The following ADGRE2 variants were observed in gnomAD, a reference collection of about 807,000 sequenced individuals.
ADGRE2 encodes adhesion G protein-coupled receptor E2.
A neutral mutation model predicts 100.8 loss-of-function variants in ADGRE2; 83 were observed. The ratio of observed to expected loss-of-function variants is 0.82; its 90% CI spans 0.69 to 0.99. The LOEUF is 0.99. Ranked by LOEUF, ADGRE2 falls within the 50% of genes least tolerant of loss-of-function variation. ADGRE2 has a pLI of 0.00. For missense variants in ADGRE2, 814 were observed against 1,035.7 expected, an observed-to-expected ratio of 0.79 and a Z score of 2.94; for synonymous variants, 355 against 413.0, an observed-to-expected ratio of 0.86 and a Z score of 1.70.
chr19:14,778,126 TC>T, intron 1 of ADGRE2, 130 bp downstream of exon 1: 1 of 152,254 alleles, frequency 6.6e-6, no homozygotes, highest in South Asian at 2.1e-4. Context: ...GTAAAAGCGT[TC>T]CTATTTCTCC....
In ADGRE2 at chr19:14,735,067, G is replaced by T. The variant is rs1177023687; in HGVS notation, c.*1169C>A. 1 of 152,136 alleles carries T rather than the reference G, an allele frequency of 6.6e-6. No individual in the cohort carries two copies. Among genetic ancestry groups the T allele is most frequent in the African/African-American group, 2.4e-5 (1 of 41,432 alleles). 9.4% of individuals were successfully genotyped at this position (152,136 alleles called of 1,614,324 possible). On this transcript the variant is annotated 3_prime_UTR_variant, in exon 21 of 21. Transcript: ENST00000315576. ...TTGGCACAGCTGCCGGCATTCACCCGTGGAAGCTTCCAGCTTGCTTGTCTA... is the reference window on the plus strand; with the variant it reads ...TTGGCACAGCTGCCGGCATTCACCCTTGGAAGCTTCCAGCTTGCTTGTCTA...
chr19:14,753,063 C>T (rs1398900708), intron 14 of ADGRE2, among the ~76,000 whole-genome samples: 4 of 141,104 alleles, frequency 2.8e-5, no homozygotes, highest in Non-Finnish European at 6.4e-5. Flanking sequence ...AGCCACCACA[C>T]CCGTCCTAAT....
At chr19:14,758,571 T>C (rs915256045) in intron 11 of ADGRE2, among the ~76,000 whole-genome samples, 2 of 151,978 alleles carry the variant, frequency 1.3e-5, no homozygotes, top group African/African-American at 4.8e-5. Context: ...AGAGTGGAGA[T>C]TTAATAGGCG....
At chr19:14,763,407 A>G (rs2043803141) in intron 11 of ADGRE2, among the ~76,000 whole-genome samples, 1 of 152,020 alleles carries the variant, frequency 6.6e-6, no homozygotes, top group Non-Finnish European at 1.5e-5. Context: ...ATACTTAGAG[A>G]TCAAATGATA....
At chr19:14,751,805 A>G in intron 15 of ADGRE2, 134 bp from the exon 16 acceptor site, 1 of 662,930 alleles carries the variant, frequency 1.5e-6, no homozygotes, top group Non-Finnish European at 2.6e-6. Context: ...TGTGTAGTTG[A>G]GTCAGGCAAT....
chr19:14,751,228 G>A (rs7247896), intron 16 of ADGRE2, among the ~76,000 whole-genome samples: 58,287 of 151,898 alleles, frequency 0.38, 12,764 homozygotes, highest in African/African-American at 0.59. Context: ...GAAAATTTCC[G>A]AAAACCCTCT....
chr19:14,734,688 A>C lies in ADGRE2; in HGVS notation c.*1548T>G, dbSNP rs1487344217. The C allele has an allele frequency of 6.6e-6, 1 of 152,140 alleles. No individual in the cohort carries two copies. 9.4% of individuals were successfully genotyped at this position (152,140 alleles called of 1,614,324 possible). A position where few individuals can be genotyped will look rare whatever the true frequency, so the allele number is the denominator to read the frequency against. On this transcript the variant is annotated 3_prime_UTR_variant, in exon 21 of 21. Transcript: ENST00000315576. Reference sequence around the variant, plus strand: ...GTGATCTGACCACCTCAGCCTCCCAAAGTGCTGGGATTATAGGCGTGAGCC... The same window carrying C: ...GTGATCTGACCACCTCAGCCTCCCACAGTGCTGGGATTATAGGCGTGAGCC...
chr19:14,727,309 TGA>T, the ADGRE2 span, among the ~76,000 whole-genome samples: 1 of 152,196 alleles, frequency 6.6e-6, no homozygotes, highest in Non-Finnish European at 1.5e-5. Context: ...ATTACAGGTG[TGA>T]GCCACCAAGC....
rs762631238 is a variant in ADGRE2 at position 14,743,500 on chromosome 19, C to G, written c.2383G>C (p.Gly795Arg). Residue 795 changes from glycine (G) to arginine (R), a missense_variant, in exon 20 of 21, where the codon GGG (glycine) becomes CGG (arginine). Transcript: ENST00000315576. ...VREQYGKWSK[G>R]IRKLKTESEM... ...GACTCAGTTTTCAATTTCCTGATCC[C>G]TTTGGACCATTTCCCATATTGCTCC... The G allele has an allele frequency of 5.0e-6, 8 of 1,614,068 alleles. No individual in the cohort carries two copies. The highest frequency in any genetic ancestry group is 3.3e-5 in the Admixed American group (2 of 60,014).
At chr19:14,772,170 C>T in intron 5 of ADGRE2, 172 bp downstream of exon 5, 1 of 922,966 alleles carries the variant, frequency 1.1e-6, no homozygotes, top group Non-Finnish European at 1.6e-6. Context: ...TTGGCCTTCA[C>T]ACCACGCTGC....
intron 10 of ADGRE2, among the ~76,000 whole-genome samples, 164 bp downstream of exon 10, chr19:14,765,156 C>T (rs2043907451): frequency 6.6e-6 from 1 of 152,204 alleles, no homozygotes; most frequent in Non-Finnish European, 1.5e-5. Flanking sequence ...ATATTAAGTG[C>T]ACTTGGGTGT....
intron 11 of ADGRE2, among the ~76,000 whole-genome samples, chr19:14,762,142 T>C (rs1204148946): frequency 6.6e-6 from 1 of 152,004 alleles, no homozygotes; most frequent in Admixed American, 6.6e-5. Flanking sequence ...TGGTCAGTCA[T>C]ACATTCATAT....
At chr19:14,756,692 G>A (rs1003506778) in intron 11 of ADGRE2, among the ~76,000 whole-genome samples, 2 of 152,064 alleles carry the variant, frequency 1.3e-5, no homozygotes, top group Non-Finnish European at 1.5e-5. Flanking sequence ...GAATGAACAT[G>A]AATCTTTTAC....
At chr19:14,750,594 A>G (rs1409568026) in intron 16 of ADGRE2, among the ~76,000 whole-genome samples, 3 of 152,202 alleles carry the variant, frequency 2.0e-5, no homozygotes, top group Admixed American at 2.0e-4. Flanking sequence ...CAAACTAGCT[A>G]GAAAAGTACC....
chr19:14,747,543 C>T (rs956643420), intron 16 of ADGRE2, among the ~76,000 whole-genome samples: 5 of 151,594 alleles, frequency 3.3e-5, no homozygotes, highest in African/African-American at 1.2e-4. Flanking sequence ...CAGTGGTTCA[C>T]ACCTGTAATC....
rs551223198 is a variant in ADGRE2, at chr19:14,763,299, C to T, written c.1084+1134G>A. On this transcript the variant is annotated intron_variant, in intron 11 of 20. Coordinates refer to ENST00000315576, the MANE Select transcript of ADGRE2 (RefSeq NM_013447.4). ...CGGAGCTTGCAGTGAGCCGAGATCA[C>T]GTCACTGCTCTCCAGCCTGGGCGAC... Among the ~76,000 whole-genome samples, 3 of 152,094 alleles carry T rather than the reference C, an allele frequency of 2.0e-5. No individual in the cohort carries two copies. The East Asian group carries it at 5.8e-4, about 29-fold the overall frequency.
In ADGRE2 at chr19:14,774,203, C is replaced by A. The variant is rs545381346; in HGVS notation, c.82+53G>T. 176 of 1,526,718 alleles carry A rather than the reference C, an allele frequency of 1.2e-4. No individual in the cohort carries two copies. The African/African-American group carries it at 2.1e-3, about 18-fold the overall frequency. 94.6% of individuals were successfully genotyped at this position (1,526,718 alleles called of 1,614,324 possible). A position where few individuals can be genotyped will look rare whatever the true frequency, so the allele number is the denominator to read the frequency against. On this transcript the variant is annotated intron_variant, in intron 3 of 20. Transcript: ENST00000315576. ...AAGGGGGCTGGGCGGGGGTCCAGGA[C>A]CCTCCCCAGGCTCTGGCTGTGGACT...
At chr19:14,755,246 C>T in intron 13 of ADGRE2, 119 bp from the exon 14 acceptor site, 1 of 866,000 alleles carries the variant, frequency 1.2e-6, no homozygotes, top group Non-Finnish European at 1.7e-6. Flanking sequence ...CCAGCCTGGC[C>T]AACATGGTGA....
chr19:14,750,316 A>G (rs1283117202), intron 16 of ADGRE2, among the ~76,000 whole-genome samples: 2 of 149,990 alleles, frequency 1.3e-5, no homozygotes, highest in Non-Finnish European at 3.0e-5. Context: ...TTTACCCCAT[A>G]TAATTAAAAA....
Sources: allele counts gnomAD v4.1 joint callset (sites outside exome capture counted in the v4.1 genomes callset), GRCh38; gene constraint gnomAD v4.1.1; transcripts MANE v1.5; gene names NCBI Gene and HGNC (gene_info 2026-07-23, HGNC 2026-07-21).